Variants in ZNF704 observed in about 807,000 individuals in gnomAD.
The protein encoded by ZNF704 is zinc finger protein 704.
Under a neutral mutation model 44.7 loss-of-function variants are expected in ZNF704, and 10 were observed. The ratio of observed to expected loss-of-function variants is 0.22; its 90% CI spans 0.14 to 0.38. ZNF704 has a LOEUF of 0.38. ZNF704 is among the 10% of genes least tolerant of loss of function. ZNF704 has a pLI of 1.00. For synonymous variants in ZNF704, 211 were observed against 207.6 expected, an observed-to-expected ratio of 1.02 and a Z score of -0.14; for missense variants, 390 against 545.5, an observed-to-expected ratio of 0.71 and a Z score of 2.84.
chr8:80,768,120 A>G (rs893703638), intron 2 of ZNF704, among the ~76,000 whole-genome samples: 4 of 152,200 alleles, frequency 2.6e-5, no homozygotes, highest in Non-Finnish European at 4.4e-5. Context: ...TAGTGTGAGG[A>G]GAAAATACTG....
intron 2 of ZNF704, among the ~76,000 whole-genome samples, chr8:80,729,295 G>A (rs1432836941): frequency 6.6e-6 from 1 of 152,072 alleles, no homozygotes; most frequent in East Asian, 1.9e-4. Flanking sequence ...TTGGATTTGG[G>A]TACAATCTAT....
At chr8:80,799,436 G>C (rs1307752362) in intron 2 of ZNF704, among the ~76,000 whole-genome samples, 4 of 152,126 alleles carry the variant, frequency 2.6e-5, no homozygotes, top group Non-Finnish European at 5.9e-5. Context: ...TCATTGTCCA[G>C]GTAGAAGGGA....
At chr8:80,675,239 T>G (rs1818345232) in intron 4 of ZNF704, among the ~76,000 whole-genome samples, 1 of 151,974 alleles carries the variant, frequency 6.6e-6, no homozygotes, top group Non-Finnish European at 1.5e-5. Context: ...TAGCGAAGAG[T>G]TAAAAGCAGA....
At chr8:80,844,551 T>C (rs1208215635) in intron 1 of ZNF704, among the ~76,000 whole-genome samples, 1 of 152,184 alleles carries the variant, frequency 6.6e-6, no homozygotes, top group Non-Finnish European at 1.5e-5. Context: ...ACATTCCGTC[T>C]ATAGTGCTTC....
chr8:80,801,248 T>C (rs552410898), intron 2 of ZNF704, among the ~76,000 whole-genome samples: 3 of 152,232 alleles, frequency 2.0e-5, no homozygotes, highest in African/African-American at 4.8e-5. Flanking sequence ...CTGACAATAT[T>C]AGACAGATCA....
intron 4 of ZNF704, among the ~76,000 whole-genome samples, chr8:80,674,964 C>T (rs117626580): frequency 6.0e-4 from 91 of 152,270 alleles, no homozygotes; most frequent in Non-Finnish European, 1.1e-3. Flanking sequence ...TGATTCATTC[C>T]TAACCTTTTT....
At position 80,642,102 on chromosome 8, in the gene ZNF704, C is replaced by T. The variant is rs540199186; in HGVS notation, c.1128-625G>A. On this transcript the variant is annotated intron_variant, in intron 8 of 8. Transcript: ENST00000327835. ...TCAATTTCTAGTACAGCAGTCCCTG[C>T]TAAGGGTGGGGAATATGTTCCAAGA... Among the ~76,000 whole-genome samples, 8 of 152,300 alleles carry T rather than the reference C, an allele frequency of 5.3e-5. No individual in the cohort carries two copies. The East Asian group carries it at 1.5e-3, about 29-fold the overall frequency.
At chr8:80,839,171 C>A (rs1267570864) in intron 1 of ZNF704, among the ~76,000 whole-genome samples, 3 of 152,200 alleles carry the variant, frequency 2.0e-5, no homozygotes, top group South Asian at 2.1e-4. Flanking sequence ...GACTAACTAA[C>A]CTAACGCCTC....
At chr8:80,679,859 CCAGA>C (rs1818425094) in intron 4 of ZNF704, among the ~76,000 whole-genome samples, 1 of 152,194 alleles carries the variant, frequency 6.6e-6, no homozygotes. Context: ...ATAGCAGCTT[CCAGA>C]CAAACTCTTT....
At chr8:80,753,229 C>A (rs753420625) in intron 2 of ZNF704, among the ~76,000 whole-genome samples, 1 of 152,090 alleles carries the variant, frequency 6.6e-6, no homozygotes, top group Non-Finnish European at 1.5e-5. Flanking sequence ...GCAAAGCAAA[C>A]CTGCCCAGGC....
chr8:80,729,709 T>C (rs1806543937), intron 2 of ZNF704, among the ~76,000 whole-genome samples: 1 of 152,198 alleles, frequency 6.6e-6, no homozygotes, highest in Non-Finnish European at 1.5e-5. Context: ...GCTGACTGGC[T>C]GGCAGGTAAC....
intron 2 of ZNF704, chr8:80,694,414 G>A (rs1289253752): frequency 2.6e-5 from 4 of 152,268 alleles, no homozygotes; most frequent in African/African-American, 7.2e-5. Flanking sequence ...TGTGTCGTAC[G>A]ATGAAATCAA....
At chr8:80,877,727 G>A (rs1388310721), upstream of ZNF704, among the ~76,000 whole-genome samples, 1 of 152,186 alleles carries the variant, frequency 6.6e-6, no homozygotes, top group Non-Finnish European at 1.5e-5. Context: ...CAAGTGCCAG[G>A]TCTTGTTCTT....
chr8:80,814,410 A>T (rs565102568), intron 2 of ZNF704, among the ~76,000 whole-genome samples: 1 of 152,218 alleles, frequency 6.6e-6, no homozygotes, highest in African/African-American at 2.4e-5. Flanking sequence ...CATCTCCATG[A>T]CTATACTTGA....
intron 2 of ZNF704, among the ~76,000 whole-genome samples, chr8:80,700,279 C>T (rs1020572014): frequency 6.6e-6 from 1 of 152,182 alleles, no homozygotes; most frequent in African/African-American, 2.4e-5. Context: ...CCCCAGCCAA[C>T]ATTCAGCAGA....
chr8:80,648,329 G>C (rs955562076), intron 7 of ZNF704, among the ~76,000 whole-genome samples: 8 of 152,098 alleles, frequency 5.3e-5, no homozygotes, highest in Non-Finnish European at 1.0e-4. Flanking sequence ...CATGCATTTC[G>C]AGGACCCACT....
At chr8:80,763,366 A>T (rs1254389856) in intron 2 of ZNF704, among the ~76,000 whole-genome samples, 1 of 152,206 alleles carries the variant, frequency 6.6e-6, no homozygotes, top group Non-Finnish European at 1.5e-5. Flanking sequence ...ATCTAGGTGG[A>T]GGTTCTCAAA....
intron 1 of ZNF704, among the ~76,000 whole-genome samples, chr8:80,849,388 C>A (rs1465665728): frequency 6.6e-6 from 1 of 152,154 alleles, no homozygotes; most frequent in Non-Finnish European, 1.5e-5. Context: ...CTTTCCCCAC[C>A]CTCCTCACGG....
chr8:80,648,676 G>C (rs748518585), intron 7 of ZNF704, among the ~76,000 whole-genome samples: 3 of 152,194 alleles, frequency 2.0e-5, no homozygotes, highest in Non-Finnish European at 4.4e-5. Flanking sequence ...AGTAGCAGCA[G>C]AAGTAATTTG....
Sources: gnomAD v4.1 joint callset for allele counts (sites outside exome capture counted in the v4.1 genomes callset) on GRCh38, gnomAD v4.1.1 for gene constraint, MANE v1.5 for transcripts, NCBI Gene and HGNC (gene_info 2026-07-23, HGNC 2026-07-21) for gene names.